Variants in OXR1 observed in about 807,000 individuals in gnomAD.
The protein encoded by OXR1 is oxidation resistance protein 1.
OXR1 carries 41 observed loss-of-function variants against 104.6 expected under a neutral mutation model. The ratio of observed to expected loss-of-function variants is 0.39; its 90% CI spans 0.31 to 0.51. The LOEUF is 0.51. Among genes scored for constraint, OXR1 ranks in the 20% least tolerant of loss-of-function variants. The pLI is 0.77. For synonymous variants in OXR1, 348 were observed against 348.4 expected (o/e 1.00, Z 0.01); for missense variants, 955 against 1,031.9 (o/e 0.93, Z 1.02).
At chr8:106,526,042 T>G (rs1813636741) in intron 3 of OXR1, among the ~76,000 whole-genome samples, 1 of 152,196 alleles carries the variant, frequency 6.6e-6, no homozygotes, top group African/African-American at 2.4e-5. Flanking sequence ...TATATTCTAG[T>G]TGGGAAGGCA....
At chr8:106,529,981 A>G (rs1031502060) in intron 3 of OXR1, among the ~76,000 whole-genome samples, 4 of 152,208 alleles carry the variant, frequency 2.6e-5, no homozygotes, top group African/African-American at 2.4e-5. Context: ...CACTGCTGTT[A>G]GCAAACAAAA....
intron 2 of OXR1, among the ~76,000 whole-genome samples, chr8:106,479,955 T>G (rs984471167): frequency 2.0e-5 from 3 of 151,968 alleles, no homozygotes; most frequent in Non-Finnish European, 4.4e-5. Context: ...TGTTTTCAGT[T>G]GTGAAGTTGG....
chr8:106,548,050 T>C (rs1422844550), intron 3 of OXR1, among the ~76,000 whole-genome samples: 1 of 152,172 alleles, frequency 6.6e-6, no homozygotes, highest in East Asian at 1.9e-4. Flanking sequence ...GCCAACATAT[T>C]GTTTCTCATG....
At chr8:106,714,079 A>G in intron 11 of OXR1, 94 bp downstream of exon 11, 1 of 964,454 alleles carries the variant, frequency 1.0e-6, no homozygotes, top group Non-Finnish European at 1.5e-6. Flanking sequence ...TGTTTCCACA[A>G]AAGAGGAATT....
At chr8:106,296,834 C>T (rs1435990373) in intron 1 of OXR1, among the ~76,000 whole-genome samples, 2 of 152,176 alleles carry the variant, frequency 1.3e-5, no homozygotes, top group Non-Finnish European at 2.9e-5. Context: ...CCTGTCTTTG[C>T]CCATGCTAGT....
chr8:106,544,170 G>A (rs1034504680), intron 3 of OXR1, among the ~76,000 whole-genome samples: 1 of 148,502 alleles, frequency 6.7e-6, no homozygotes, highest in Admixed American at 6.7e-5. Context: ...CTCTTATCCT[G>A]TCTCTTAATT....
intron 1 of OXR1, among the ~76,000 whole-genome samples, chr8:106,300,076 A>T (rs1242306643): frequency 5.3e-5 from 8 of 152,200 alleles, no homozygotes. Context: ...AGTTCTTTAT[A>T]GTTATGGTAT....
intron 3 of OXR1, chr8:106,618,109 C>G: frequency 1.3e-6 from 2 of 1,536,020 alleles, no homozygotes; most frequent in Non-Finnish European, 1.7e-6. Flanking sequence ...CCTGTCTCCT[C>G]TTCTTGAAAG....
intron 3 of OXR1, among the ~76,000 whole-genome samples, chr8:106,548,058 A>T (rs368259747): frequency 2.7e-4 from 41 of 152,146 alleles, no homozygotes; most frequent in Non-Finnish European, 5.3e-4. Context: ...ATTGTTTCTC[A>T]TGGTGGGAAT....
intron 3 of OXR1, among the ~76,000 whole-genome samples, chr8:106,591,806 A>G (rs141376752): frequency 1.6e-4 from 25 of 152,356 alleles, no homozygotes; most frequent in African/African-American, 5.8e-4. Context: ...TTACAGAAAG[A>G]AAAGACATTT....
intron 3 of OXR1, among the ~76,000 whole-genome samples, chr8:106,671,151 CA>C (rs35468140): frequency 5.1e-3 from 587 of 114,430 alleles, no homozygotes; most frequent in South Asian, 8.5e-3. Context: ...ACACCAAAGG[CA>C]AAAAAAAAAA....
chr8:106,493,539 G>C (rs1465246814), intron 2 of OXR1, among the ~76,000 whole-genome samples: 1 of 152,032 alleles, frequency 6.6e-6, no homozygotes, highest in Non-Finnish European at 1.5e-5. Context: ...CTTCCCGTTT[G>C]ATTCTTTCAT....
chr8:106,512,030 C>G (rs982151283), intron 2 of OXR1, among the ~76,000 whole-genome samples: 1 of 152,094 alleles, frequency 6.6e-6, no homozygotes, highest in African/African-American at 2.4e-5. Context: ...TTCATGTTTG[C>G]TTTTTCAAAG....
In OXR1 at chr8:106,713,107, A is replaced by G. The variant is rs28921431; in HGVS notation, c.1794-716A>G. Among the ~76,000 whole-genome samples the G allele has an allele frequency of 7.5e-3, 1,143 of 152,154 alleles. 17 individuals carry two copies. Among genetic ancestry groups the G allele is most frequent in the African/African-American group, 0.025 (1,058 of 41,570 alleles). ...GTTAGCTGCCACGTAAAGAATGGCAATTTTAAAAATCATTATATTGAAAAT... is the reference window on the plus strand; with the variant it reads ...GTTAGCTGCCACGTAAAGAATGGCAGTTTTAAAAATCATTATATTGAAAAT... On this transcript the variant is annotated intron_variant, in intron 10 of 16. Transcript: ENST00000517566.
chr8:106,687,892 C>T (rs1034355175), intron 6 of OXR1, among the ~76,000 whole-genome samples: 25 of 152,062 alleles, frequency 1.6e-4, no homozygotes, highest in African/African-American at 6.0e-4. Flanking sequence ...TGGTTCGGAG[C>T]CCATATTTTT....
chr8:106,688,713 C>G (rs957552127), intron 6 of OXR1, among the ~76,000 whole-genome samples: 4 of 152,036 alleles, frequency 2.6e-5, no homozygotes, highest in Non-Finnish European at 1.5e-5. Context: ...TAATCATGAT[C>G]TGTATTTTTA....
chr8:106,534,601 A>G (rs1432321942), intron 3 of OXR1, among the ~76,000 whole-genome samples: 2 of 152,242 alleles, frequency 1.3e-5, no homozygotes, highest in Non-Finnish European at 2.9e-5. Flanking sequence ...GTACAGACAC[A>G]AAAACATTAG....
chr8:106,465,128 G>A (rs189244423), intron 2 of OXR1, among the ~76,000 whole-genome samples: 3 of 152,090 alleles, frequency 2.0e-5, no homozygotes. Flanking sequence ...CATTTTAAAT[G>A]ATTGGCCATG....
chr8:106,747,026 A>G (rs1362492902), intron 16 of OXR1, among the ~76,000 whole-genome samples: 1 of 152,200 alleles, frequency 6.6e-6, no homozygotes, highest in East Asian at 1.9e-4. Flanking sequence ...ATAAATTAAT[A>G]TAAGTTTTCA....
Sources: allele counts gnomAD v4.1 joint callset (sites outside exome capture counted in the v4.1 genomes callset), GRCh38; gene constraint gnomAD v4.1.1; transcripts MANE v1.5; gene names NCBI Gene and HGNC (gene_info 2026-07-23, HGNC 2026-07-21).